KDM4B: variants seen among roughly 807,000 people sequenced by gnomAD.
KDM4B encodes the protein lysine demethylase 4B, also known as lysine-specific demethylase 4B.
KDM4B carries 32 observed loss-of-function variants against 125.2 expected under a neutral mutation model. That is an observed-to-expected ratio of 0.26 (90% confidence interval 0.19 to 0.34). The LOEUF is 0.34. KDM4B is among the 10% of genes least tolerant of loss of function. The probability of loss-of-function intolerance (pLI) is 1.00; values close to 1 mark genes in which losing one functional copy is unlikely to be tolerated. For missense variants in KDM4B, 1,190 were observed against 1,577.7 expected, an observed-to-expected ratio of 0.75 and a Z score of 4.16; for synonymous variants, 721 against 677.9, an observed-to-expected ratio of 1.06 and a Z score of -0.99.
chr19:5,090,191 C>T (rs574563472), intron 9 of KDM4B, among the ~76,000 whole-genome samples: 2 of 152,224 alleles, frequency 1.3e-5, no homozygotes, highest in African/African-American at 4.8e-5. Flanking sequence ...CCTGGGTCTG[C>T]CAGGGAGAGG....
chr19:5,133,551 G>C (rs1463137913), intron 13 of KDM4B, among the ~76,000 whole-genome samples: 1 of 152,230 alleles, frequency 6.6e-6, no homozygotes, highest in Non-Finnish European at 1.5e-5. Context: ...GGCCCTGGGT[G>C]AGTGGACGGC....
chr19:5,138,423 T>C (rs1285602182), intron 18 of KDM4B: 1 of 249,298 alleles, frequency 4.0e-6, no homozygotes, highest in Non-Finnish European at 7.8e-6. Context: ...AACCGGGCTG[T>C]CTGATCTTTG....
intron 7 of KDM4B, among the ~76,000 whole-genome samples, chr19:5,073,030 C>T (rs1213425173): frequency 3.3e-5 from 5 of 152,322 alleles, no homozygotes; most frequent in South Asian, 2.1e-4. Flanking sequence ...CCCTCTGCCT[C>T]GCTGTTCTGA....
intron 2 of KDM4B, among the ~76,000 whole-genome samples, chr19:5,019,925 T>C (rs2036046988): frequency 7.1e-6 from 1 of 139,870 alleles, no homozygotes; most frequent in Non-Finnish European, 1.5e-5. Flanking sequence ...TGGATGTTGG[T>C]GTGGGTGTTG....
intron 1 of KDM4B, among the ~76,000 whole-genome samples, chr19:4,985,975 C>T (rs2034816718): frequency 6.6e-6 from 1 of 152,250 alleles, no homozygotes; most frequent in South Asian, 2.1e-4. Flanking sequence ...CCTGAAACAG[C>T]CCAGAAGAGA....
At chr19:5,064,524 C>T (rs866664395) in intron 6 of KDM4B, among the ~76,000 whole-genome samples, 3 of 152,288 alleles carry the variant, frequency 2.0e-5, no homozygotes, top group Middle Eastern at 6.8e-3. Context: ...CGAGAGCTTC[C>T]GCTGGCAGGA....
At position 5,081,695 on chromosome 19, in the gene KDM4B, A is replaced by C. The variant is rs2038299830; in HGVS notation, c.781-672A>C. Among the ~76,000 whole-genome samples, 1 of 152,102 alleles carries C rather than the reference A, an allele frequency of 6.6e-6. No individual in the cohort carries two copies. The highest frequency in any genetic ancestry group is 1.5e-5 in the Non-Finnish European group (1 of 68,004). On this transcript the variant is annotated intron_variant, in intron 8 of 22. Coordinates refer to ENST00000159111, the MANE Select transcript of KDM4B (RefSeq NM_015015.3). The surrounding 1 kb of genome is among the most constrained non-coding windows in gnomAD (Gnocchi z 4.2). ...GTCAGGTCATGCCCCCGGTGTGCAG[A>C]TATTTCTGGATCTCCATGACTTCAT... is the stretch of plus-strand genomic sequence containing the variant.
Position 5,082,371 on chromosome 19 carries a change from C to T in KDM4B, c.785C>T (p.Thr262Met), listed in dbSNP as rs773959980. The T allele has an allele frequency of 3.1e-6, 5 of 1,613,510 alleles. No individual in the cohort carries two copies. The highest frequency in any genetic ancestry group is 2.2e-5 in the East Asian group (1 of 44,844). ...CTGTCTCCTTTCCCTCTGCAGATCA[C>T]GCAGGAGGCCGGGGAATTCATGATC... ...KKYGIPFSRITQEAGEFMITF... is the reference protein window; with the variant it reads ...KKYGIPFSRIMQEAGEFMITF... Residue 262 changes from threonine (T) to methionine (M), a missense_variant, in exon 9 of 23, where the codon ACG becomes ATG. Physicochemically the swap from Thr to Met is moderately conservative, Grantham distance 81 (BLOSUM62 -1). This residue lies in a region of KDM4B where 75 missense variants were observed against 218.2 expected (regional missense o/e 0.34). Transcript: ENST00000159111. The surrounding 1 kb of genome is among the most constrained non-coding windows in gnomAD (Gnocchi z 5.4).
intron 11 of KDM4B, among the ~76,000 whole-genome samples, chr19:5,124,004 C>T (rs2039407517): frequency 2.1e-5 from 2 of 97,444 alleles, no homozygotes; most frequent in African/African-American, 3.9e-5. Context: ...GTGGGCTGGG[C>T]TTGGGCTGGG....
intron 1 of KDM4B, among the ~76,000 whole-genome samples, chr19:4,972,809 G>A (rs1481565684): frequency 6.6e-6 from 1 of 152,170 alleles, no homozygotes; most frequent in African/African-American, 2.4e-5. Flanking sequence ...CAGGTTCTCC[G>A]TGACTGTCCT....
Position 5,047,494 on chromosome 19 carries a change from A to G in KDM4B, c.451A>G (p.Ile151Val). Residue 151 changes from isoleucine to valine, a missense_variant, in exon 6 of 23, where the codon ATC (isoleucine) becomes GTC (valine). Physicochemically the swap from Ile to Val is conservative, Grantham distance 29. Transcript: ENST00000159111. ...LYDDDVAQWN[I>V]GSLRTILDMV... Reference sequence around the variant, plus strand: ...CCCACAGGACGTGGCCCAGTGGAACATCGGGAGCCTCCGGACCATCCTGGA... The same window carrying G: ...CCCACAGGACGTGGCCCAGTGGAACGTCGGGAGCCTCCGGACCATCCTGGA... 1 of 1,610,924 alleles carries G rather than the reference A, an allele frequency of 6.2e-7. No individual in the cohort carries two copies. Among genetic ancestry groups the G allele is most frequent in the Non-Finnish European group, 8.5e-7 (1 of 1,178,218 alleles).
chr19:5,087,965 G>T (rs765697270), intron 9 of KDM4B, among the ~76,000 whole-genome samples: 1 of 152,208 alleles, frequency 6.6e-6, no homozygotes, highest in Non-Finnish European at 1.5e-5. Context: ...AGTCTCCTGT[G>T]TAGGAATCTC....
chr19:5,122,362 G>C (rs2613798), intron 11 of KDM4B, among the ~76,000 whole-genome samples: 57,670 of 151,990 alleles, frequency 0.38, 11,145 homozygotes, highest in East Asian at 0.64. Flanking sequence ...GTCCTTCACT[G>C]AGTCCCACCT....
At chr19:4,984,684 A>G (rs981973028) in intron 1 of KDM4B, among the ~76,000 whole-genome samples, 3 of 152,002 alleles carry the variant, frequency 2.0e-5, no homozygotes, top group Admixed American at 6.6e-5. Flanking sequence ...GGCCCTCGGG[A>G]GGGCTTGGGG....
chr19:5,113,821 C>A, intron 10 of KDM4B: 1 of 925,054 alleles, frequency 1.1e-6, no homozygotes, highest in Non-Finnish European at 1.3e-6. Context: ...CATGCCCTCA[C>A]CCCCGTGCAG....
At chr19:5,143,717 T>C (rs1159288677) in intron 18 of KDM4B, among the ~76,000 whole-genome samples, 1 of 151,968 alleles carries the variant, frequency 6.6e-6, no homozygotes, top group Non-Finnish European at 1.5e-5. Flanking sequence ...CAGCAGCCAG[T>C]GACATGCAGG....
At chr19:5,150,712 C>T (rs951695580) in intron 22 of KDM4B, among the ~76,000 whole-genome samples, 11 of 152,294 alleles carry the variant, frequency 7.2e-5, no homozygotes, top group African/African-American at 2.2e-4. Flanking sequence ...CCCCGCCCCT[C>T]CCCTTATCAC....
At chr19:5,062,394 T>C (rs2613757) in intron 6 of KDM4B, among the ~76,000 whole-genome samples, 99,028 of 152,228 alleles carry the variant, frequency 0.65, 32,464 homozygotes, top group East Asian at 0.9. Flanking sequence ...GGCGACTACG[T>C]GATGAGCTCT....
intron 15 of KDM4B, among the ~76,000 whole-genome samples, chr19:5,136,744 G>A (rs2039655277): frequency 6.6e-6 from 1 of 152,208 alleles, no homozygotes. Context: ...TTCCACACTG[G>A]GGGCAGTGAT....
Sources: gnomAD v4.1 joint callset for allele counts (sites outside exome capture counted in the v4.1 genomes callset) on GRCh38, gnomAD v4.1.1 for gene constraint, gnomAD v4.1.1 regional missense constraint, Gnocchi (gnomAD v3.1) non-coding constraint, MANE v1.5 for transcripts, NCBI Gene and HGNC (gene_info 2026-07-23, HGNC 2026-07-21) for gene names.